The following DACH1 variants were observed in gnomAD, a reference collection of about 807,000 sequenced individuals.
DACH1 encodes the protein dachshund homolog 1.
A neutral mutation model predicts 54.2 loss-of-function variants in DACH1; 12 were observed. The observed-to-expected ratio is 0.22, with a 90% confidence interval of 0.14 to 0.36. DACH1 has a LOEUF of 0.36. DACH1 is among the 10% of genes least tolerant of loss of function. The pLI is 1.00. For missense variants in DACH1, 805 were observed against 929.8 expected, an observed-to-expected ratio of 0.87 and a Z score of 1.75; for synonymous variants, 386 against 366.2, an observed-to-expected ratio of 1.05 and a Z score of -0.62.
chr13:71,778,031 G>T (rs1042707381), intron 1 of DACH1, among the ~76,000 whole-genome samples: 1 of 151,634 alleles, frequency 6.6e-6, no homozygotes, highest in African/African-American at 2.4e-5. Flanking sequence ...GTAGGAGGTT[G>T]CAGTGAGCCG....
At chr13:71,651,674 C>CTGTATATGTATA (rs1306400504) in intron 2 of DACH1, among the ~76,000 whole-genome samples, 27 of 135,992 alleles carry the variant, frequency 2.0e-4, no homozygotes, top group East Asian at 1.1e-3. Flanking sequence ...GTATCTGTAT[C>CTGTATATGTATA]TGTATCTGTA....
At chr13:71,732,316 G>A (rs1883786676) in intron 1 of DACH1, among the ~76,000 whole-genome samples, 1 of 152,056 alleles carries the variant, frequency 6.6e-6, no homozygotes, top group African/African-American at 2.4e-5. Flanking sequence ...CAGGCGCAGT[G>A]GCTCACACCT....
At chr13:71,609,898 T>TA (rs1459690896) in intron 3 of DACH1, among the ~76,000 whole-genome samples, 2 of 151,758 alleles carry the variant, frequency 1.3e-5, no homozygotes, top group East Asian at 3.9e-4. Flanking sequence ...TGGTAGTCAG[T>TA]AAAAAAAGGA....
chr13:71,598,403 C>A (rs886196811), intron 3 of DACH1, among the ~76,000 whole-genome samples: 1 of 151,840 alleles, frequency 6.6e-6, no homozygotes, highest in Admixed American at 6.6e-5. Context: ...TACAGCCATG[C>A]GCCACCACGC....
At chr13:71,585,647 T>G (rs942627025) in intron 3 of DACH1, among the ~76,000 whole-genome samples, 9 of 152,064 alleles carry the variant, frequency 5.9e-5, no homozygotes, top group Non-Finnish European at 8.8e-5. Context: ...ATTAGGAAAG[T>G]CTGAGAAGTC....
intron 2 of DACH1, among the ~76,000 whole-genome samples, chr13:71,636,664 T>C (rs1301557815): frequency 1.3e-5 from 2 of 151,724 alleles, no homozygotes; most frequent in African/African-American, 4.8e-5. Flanking sequence ...ATAAGTCATA[T>C]ATTGTGTTCT....
At chr13:71,445,903 G>A (rs1874413081) in intron 10 of DACH1, among the ~76,000 whole-genome samples, 1 of 152,158 alleles carries the variant, frequency 6.6e-6, no homozygotes, top group African/African-American at 2.4e-5. Flanking sequence ...TGAATGAAAG[G>A]CGGATGGCAA....
intron 1 of DACH1, among the ~76,000 whole-genome samples, chr13:71,708,019 T>A (rs1185053727): frequency 6.6e-6 from 1 of 152,028 alleles, no homozygotes; most frequent in East Asian, 1.9e-4. Context: ...CTAACTTCTT[T>A]TTCTCCAAAG....
At chr13:71,466,497 T>A (rs1047339953) in intron 10 of DACH1, among the ~76,000 whole-genome samples, 2 of 152,154 alleles carry the variant, frequency 1.3e-5, no homozygotes, top group African/African-American at 4.8e-5. Flanking sequence ...AAGTAATTTA[T>A]CTCCCGAACT....
intron 2 of DACH1, among the ~76,000 whole-genome samples, chr13:71,637,891 T>C (rs1055819777): frequency 1.3e-5 from 2 of 152,168 alleles, no homozygotes; most frequent in Non-Finnish European, 2.9e-5. Flanking sequence ...TCAAATTCTT[T>C]CTCTGATCTG....
intron 4 of DACH1, among the ~76,000 whole-genome samples, chr13:71,567,788 TA>T (rs1386932268): frequency 6.6e-6 from 1 of 152,008 alleles, no homozygotes; most frequent in African/African-American, 2.4e-5. Flanking sequence ...ACACATGCCT[TA>T]AATCACTAAA....
intron 1 of DACH1, among the ~76,000 whole-genome samples, chr13:71,729,796 T>C (rs1276929543): frequency 6.6e-6 from 1 of 152,006 alleles, no homozygotes; most frequent in Non-Finnish European, 1.5e-5. Context: ...TAATAAAACT[T>C]CTCAAAATTG....
intron 1 of DACH1, among the ~76,000 whole-genome samples, chr13:71,841,241 C>A (rs9592810): frequency 6.6e-6 from 1 of 151,904 alleles, no homozygotes; most frequent in Non-Finnish European, 1.5e-5. Context: ...AAATTTAATA[C>A]GTATATGTGC....
At chr13:71,460,884 A>G (rs976786355) in intron 10 of DACH1, among the ~76,000 whole-genome samples, 1 of 152,072 alleles carries the variant, frequency 6.6e-6, no homozygotes, top group African/African-American at 2.4e-5. Flanking sequence ...GATATGAAGA[A>G]TTACAAGAAA....
intron 2 of DACH1, chr13:71,675,126 G>C: frequency 6.3e-7 from 1 of 1,581,146 alleles, no homozygotes; most frequent in Non-Finnish European, 8.7e-7. Flanking sequence ...GGAAGTAACT[G>C]GCTACAAAAG....
chr13:71,636,620 TA>T (rs927521508), intron 2 of DACH1, among the ~76,000 whole-genome samples: 1,711 of 145,390 alleles, frequency 0.012, 20 homozygotes, highest in African/African-American at 0.035. Context: ...AAGGTTTCTT[TA>T]AAAAAAAAAA....
chr13:71,458,108 A>G (rs1377512905), intron 10 of DACH1, among the ~76,000 whole-genome samples: 1 of 151,834 alleles, frequency 6.6e-6, no homozygotes, highest in Middle Eastern at 3.2e-3. Context: ...AATGAATTAC[A>G]TTTTTTATTT....
intron 1 of DACH1, among the ~76,000 whole-genome samples, chr13:71,762,822 C>G (rs1885461282): frequency 6.8e-6 from 1 of 146,418 alleles, no homozygotes; most frequent in South Asian, 2.2e-4. Flanking sequence ...AGATACACTA[C>G]CTTCAAAATT....
chr13:71,704,177 CA>C, intron 1 of DACH1: 1 of 218,940 alleles, frequency 4.6e-6, no homozygotes, highest in Admixed American at 5.1e-5. Context: ...AGTAATTCAT[CA>C]AAATGAGAAA....
Sources: gnomAD v4.1 joint callset for allele counts (sites outside exome capture counted in the v4.1 genomes callset) on GRCh38, gnomAD v4.1.1 for gene constraint, MANE v1.5 for transcripts, NCBI Gene and HGNC (gene_info 2026-07-23, HGNC 2026-07-21) for gene names.